Variants in ZC3HAV1 observed in about 807,000 individuals in gnomAD.
The protein encoded by ZC3HAV1 is zinc finger CCCH-type antiviral protein 1.
Under a neutral mutation model 86.6 loss-of-function variants are expected in ZC3HAV1, and 41 were observed. The ratio of observed to expected loss-of-function variants is 0.47; its 90% CI spans 0.37 to 0.61. The LOEUF (loss-of-function observed/expected upper bound fraction) is 0.61, where lower values mean the gene tolerates loss of function less well. ZC3HAV1 is among the 20% of genes least tolerant of loss of function. The probability of loss-of-function intolerance (pLI) is 0.00; values close to 1 mark genes in which losing one functional copy is unlikely to be tolerated. For missense variants in ZC3HAV1, 964 were observed against 1,141.1 expected (o/e 0.84, Z 2.24); for synonymous variants, 421 against 432.1 (o/e 0.97, Z 0.32).
chr7:139,104,068 C>T (rs1479305474), intron 1 of ZC3HAV1, among the ~76,000 whole-genome samples: 1 of 152,014 alleles, frequency 6.6e-6, no homozygotes, highest in African/African-American at 2.4e-5. Context: ...AAAAGAGGAG[C>T]AAAACTGAAA....
chr7:139,093,419 T>C (rs1033107787), intron 1 of ZC3HAV1, among the ~76,000 whole-genome samples: 1 of 152,226 alleles, frequency 6.6e-6, no homozygotes. Flanking sequence ...TTGTGATTAG[T>C]GTCAGGCCTC....
intron 7 of ZC3HAV1, among the ~76,000 whole-genome samples, chr7:139,070,331 G>A (rs1326968936): frequency 6.6e-6 from 1 of 152,060 alleles, no homozygotes; most frequent in Non-Finnish European, 1.5e-5. Context: ...AAACTCTACA[G>A]CTAACACAGA....
intron 1 of ZC3HAV1, among the ~76,000 whole-genome samples, chr7:139,105,339 G>A (rs1584878421): frequency 6.6e-6 from 1 of 152,288 alleles, no homozygotes; most frequent in East Asian, 1.9e-4. Context: ...ATAAGGATGG[G>A]ACTTAAAATA....
At chr7:139,053,610 G>A (rs759965881) in intron 11 of ZC3HAV1, 29 bp from the exon 12 acceptor site, 149 of 1,548,942 alleles carry the variant, frequency 9.6e-5, no homozygotes, top group Non-Finnish European at 1.1e-4. Context: ...GACTTAACAC[G>A]GAGACATCCC....
rs773745564 is a variant in ZC3HAV1 at position 139,073,869 on chromosome 7, T to C, written c.1859A>G (p.Gln620Arg). ...YWKNESGTWI[Q>R]YGEEKDKRKN... ...AACAGTGCTCACCTCTTCTCCATAC[T>C]GAATCCATGTGCCAGATTCATTCTT... The change falls in exon 7 of 13, where the codon CAG becomes CGG. Residue 620 changes from glutamine (Q) to arginine (R), a missense_variant. Gln to Arg is a conservative substitution (Grantham distance 43). Transcript: ENST00000242351. 29 of 1,612,354 alleles carry C rather than the reference T, an allele frequency of 1.8e-5. No individual in the cohort carries two copies. In the South Asian group the frequency reaches 2.4e-4, roughly 13 times the overall value.
At chr7:139,089,785 G>A in intron 1 of ZC3HAV1, 26 bp from the exon 2 acceptor site, 1 of 1,597,378 alleles carries the variant, frequency 6.3e-7, no homozygotes, top group Non-Finnish European at 8.5e-7. Context: ...ACAATGGTCA[G>A]TATTTCTACT....
At chr7:139,104,699 G>A (rs1563143547) in intron 1 of ZC3HAV1, among the ~76,000 whole-genome samples, 1 of 113,038 alleles carries the variant, frequency 8.8e-6, no homozygotes, top group East Asian at 2.7e-4. Flanking sequence ...CTCCAGCCTG[G>A]CAACAGAGCG....
intron 1 of ZC3HAV1, among the ~76,000 whole-genome samples, chr7:139,093,548 C>T (rs975426551): frequency 4.6e-5 from 7 of 152,214 alleles, no homozygotes; most frequent in African/African-American, 1.4e-4. Flanking sequence ...TAACTGATGA[C>T]ATTACCTTGT....
Position 139,047,950 on chromosome 7 carries a change from CATATGTCAATA to C in ZC3HAV1, c.2450-108_2450-98del. 2.4e-6 allele frequency: 3 copies of C among 1,261,364 alleles called. No individual in the cohort carries two copies. In the South Asian group the frequency reaches 4.1e-5, roughly 17 times the overall value. 78.1% of individuals were successfully genotyped at this position (1,261,364 alleles called of 1,614,324 possible). ...TACAGTCAGATGGGTGTGGACTAAG[CATATGTCAATA>C]ATACCTTACTGATATTTATAAACTT... On this transcript the variant is annotated intron_variant, in intron 12 of 12. Coordinates refer to ENST00000242351, the MANE Select transcript of ZC3HAV1 (RefSeq NM_020119.4).
chr7:139,053,900 A>G, intron 11 of ZC3HAV1, 65 bp downstream of exon 11: 2 of 1,551,024 alleles, frequency 1.3e-6, no homozygotes, highest in Non-Finnish European at 1.7e-6. Context: ...ATAAATCTCA[A>G]AGGACGGATA....
At chr7:139,074,857 T>G (rs1320611472) in intron 6 of ZC3HAV1, among the ~76,000 whole-genome samples, 1 of 152,180 alleles carries the variant, frequency 6.6e-6, no homozygotes, top group Non-Finnish European at 1.5e-5. Context: ...ATTTTTAATA[T>G]GGTAAATATT....
chr7:139,089,397 G>T (rs1226833401), intron 2 of ZC3HAV1, among the ~76,000 whole-genome samples: 4 of 152,064 alleles, frequency 2.6e-5, no homozygotes, highest in Non-Finnish European at 1.5e-5. Context: ...CTCACACAGG[G>T]TTCCCTTGCA....
intron 2 of ZC3HAV1, among the ~76,000 whole-genome samples, chr7:139,088,840 C>A (rs1369608355): frequency 6.6e-6 from 1 of 152,150 alleles, no homozygotes; most frequent in Non-Finnish European, 1.5e-5. Context: ...TGGTGGCTCA[C>A]ACCTGTAATC....
At position 139,076,366 on chromosome 7, in the gene ZC3HAV1, C is replaced by T; in HGVS notation, c.1617G>A (p.Gln539=). ...KVHFHLPYRW[Q]MLIGKTWTDF... is the part of the protein sequence containing the mutation. ...CCGTCCAGGTTTTACCAATAAGCAT[C>T]TGCCACCGGTAAGGCAGATGGAAGT... Residue 539 remains glutamine (Q), a synonymous_variant, in exon 6 of 13, where the codon CAG becomes CAA. Coordinates refer to ENST00000242351, the MANE Select transcript of ZC3HAV1 (RefSeq NM_020119.4). The T allele has an allele frequency of 6.2e-7, 1 of 1,614,170 alleles. No homozygotes were observed. The highest frequency in any genetic ancestry group is 8.5e-7 in the Non-Finnish European group (1 of 1,180,018).
chr7:139,082,080 C>G (rs750912869), intron 3 of ZC3HAV1, among the ~76,000 whole-genome samples: 1 of 152,104 alleles, frequency 6.6e-6, no homozygotes, highest in Non-Finnish European at 1.5e-5. Context: ...GCCTGGCCAA[C>G]ATGATGAAAA....
At chr7:139,101,515 C>A (rs1190186358) in intron 1 of ZC3HAV1, among the ~76,000 whole-genome samples, 1 of 38,690 alleles carries the variant, frequency 2.6e-5, no homozygotes, top group Non-Finnish European at 5.1e-5. Flanking sequence ...GGAGGTGTAC[C>A]CAACAGCTCA....
At chr7:139,047,926 A>G in intron 12 of ZC3HAV1, 73 bp from the exon 13 acceptor site, 2 of 1,467,062 alleles carry the variant, frequency 1.4e-6, no homozygotes, top group Non-Finnish European at 9.2e-7. Context: ...TTTGTTATAT[A>G]CAGTCAGATG....
rs1007878698 is a variant in ZC3HAV1 at position 139,043,883 on chromosome 7, G to A, written c.*3711C>T. The A allele has an allele frequency of 6.6e-6, 1 of 152,178 alleles. No individual in the cohort carries two copies. 9.4% of individuals were successfully genotyped at this position (152,178 alleles called of 1,614,324 possible). A position where few individuals can be genotyped will look rare whatever the true frequency, so the allele number is the denominator to read the frequency against. On this transcript the variant is annotated 3_prime_UTR_variant, in exon 13 of 13. Transcript: ENST00000242351. ...AAAGTAACAGTTGAGCCAATCTAAG[G>A]ATGCTAGATATTCAGTAGGTCAGTG... is the stretch of plus-strand genomic sequence containing the variant.
chr7:139,050,762 T>A (rs1041002088), intron 12 of ZC3HAV1, among the ~76,000 whole-genome samples: 1 of 152,226 alleles, frequency 6.6e-6, no homozygotes, highest in Non-Finnish European at 1.5e-5. Context: ...ACCTATCATA[T>A]GTCACTTAAG....
Sources: gnomAD v4.1 joint callset for allele counts (sites outside exome capture counted in the v4.1 genomes callset) on GRCh38, gnomAD v4.1.1 for gene constraint, MANE v1.5 for transcripts, NCBI Gene and HGNC (gene_info 2026-07-23, HGNC 2026-07-21) for gene names.